The following CDRT4 variants were observed in gnomAD, a reference collection of about 807,000 sequenced individuals.
CDRT4 encodes the protein CMT1A duplicated region transcript 4 protein.
For synonymous variants in CDRT4, 64 were observed against 69.6 expected (o/e 0.92, Z 0.40); for missense variants, 167 against 193.1 (o/e 0.87, Z 0.80).
intron 1 of CDRT4, among the ~76,000 whole-genome samples, chr17:15,453,691 A>C (rs1979362576): frequency 6.6e-6 from 1 of 152,206 alleles, no homozygotes; most frequent in Admixed American, 6.5e-5. Context: ...GAATTCACCA[A>C]AGTTCCCAAA....
chr17:15,465,172 CAG>C (rs2150802216), intron 1 of CDRT4, among the ~76,000 whole-genome samples: 1 of 122,388 alleles, frequency 8.2e-6, no homozygotes. Flanking sequence ...CACCAACACA[CAG>C]ACACACAACA....
chr17:15,449,699 T>C (rs1018945751), intron 2 of CDRT4, among the ~76,000 whole-genome samples: 2 of 152,190 alleles, frequency 1.3e-5, no homozygotes, highest in Admixed American at 1.3e-4. Flanking sequence ...TGTTCCACCC[T>C]CACCCTCCTC....
chr17:15,452,542 A>T (rs1216983134), intron 2 of CDRT4: 1 of 152,280 alleles, frequency 6.6e-6, no homozygotes, highest in Non-Finnish European at 1.5e-5. Context: ...TACCAGGGCC[A>T]GGTGTCATCA....
At chr17:15,445,869 C>T (rs930719462) in intron 2 of CDRT4, among the ~76,000 whole-genome samples, 2 of 152,124 alleles carry the variant, frequency 1.3e-5, no homozygotes, top group Admixed American at 6.5e-5. Flanking sequence ...CTTGCCTGGC[C>T]CCAGAAGGAG....
Position 15,450,967 on chromosome 17 carries a change from A to G in CDRT4, c.-48+2037T>C, listed in dbSNP as rs906397690. Among the ~76,000 whole-genome samples the G allele has an allele frequency of 1.4e-4, 22 of 152,234 alleles. 1 individual carries two copies. The highest frequency in any genetic ancestry group is 5.3e-4 in the African/African-American group (22 of 41,534). ...AGCCTCCTCTAAGACATCAACATCT[A>G]CTAACTGAACTACTGAACACCTGCT... On this transcript the variant is annotated intron_variant, in intron 2 of 3. Transcript: ENST00000619038. The surrounding 1 kb of genome is among the most constrained non-coding windows in gnomAD (Gnocchi z 4.2).
intron 2 of CDRT4, among the ~76,000 whole-genome samples, chr17:15,449,061 T>C (rs1979151896): frequency 6.6e-6 from 1 of 152,208 alleles, no homozygotes; most frequent in Admixed American, 6.5e-5. Context: ...ATCTCACTCT[T>C]ATTTCACACA....
At chr17:15,439,375 G>A (rs917060135) in intron 3 of CDRT4, among the ~76,000 whole-genome samples, 1 of 152,138 alleles carries the variant, frequency 6.6e-6, no homozygotes, top group Non-Finnish European at 1.5e-5. Context: ...GCTTGTCTGG[G>A]GACAGATCTG....
At chr17:15,446,830 T>C (rs960134575) in intron 2 of CDRT4, among the ~76,000 whole-genome samples, 5 of 152,198 alleles carry the variant, frequency 3.3e-5, no homozygotes, top group Non-Finnish European at 2.9e-5. Flanking sequence ...AATGCTTCTA[T>C]ACTTTATTTT....
chr17:15,456,877 C>T (rs1979508680), intron 1 of CDRT4, among the ~76,000 whole-genome samples: 2 of 152,136 alleles, frequency 1.3e-5, no homozygotes, highest in South Asian at 2.1e-4. Flanking sequence ...AATTTGGAAT[C>T]GATCCTGTTT....
intron 2 of CDRT4, among the ~76,000 whole-genome samples, chr17:15,441,532 T>C (rs1978758730): frequency 6.6e-6 from 1 of 152,198 alleles, no homozygotes. Context: ...CATTTCTGCA[T>C]GGAACACTCC....
rs78202988 is a variant in CDRT4, at chr17:15,451,004, T to C, written c.-48+2000A>G. On this transcript the variant is annotated intron_variant, in intron 2 of 3. Coordinates refer to ENST00000619038, the MANE Select transcript of CDRT4 (RefSeq NM_001204477.2). ...ACTGAACACCTGCTACTGGTCTCCCTGCTTCCACTCTTGTTCCCCTATGAT... is the reference window on the plus strand; with the variant it reads ...ACTGAACACCTGCTACTGGTCTCCCCGCTTCCACTCTTGTTCCCCTATGAT... Among the ~76,000 whole-genome samples the C allele has an allele frequency of 4.3e-4, 66 of 152,322 alleles. No homozygotes were observed. The East Asian group carries it at 9.9e-3, about 23-fold the overall frequency.
chr17:15,464,394 G>A lies in CDRT4; in HGVS notation c.-130+3066C>T, dbSNP rs1381408970. ...GAGGAAATGATTAGCACGGGTCCATGAGCATTACATATCACCCTCACTGCA... is the reference window on the plus strand; with the variant it reads ...GAGGAAATGATTAGCACGGGTCCATAAGCATTACATATCACCCTCACTGCA... On this transcript the variant is annotated intron_variant, in intron 1 of 3. Coordinates refer to ENST00000619038, the MANE Select transcript of CDRT4 (RefSeq NM_001204477.2). The surrounding 1 kb of genome is among the most constrained non-coding windows in gnomAD (Gnocchi z 4.5). Among the ~76,000 whole-genome samples, 1 of 152,174 alleles carries A rather than the reference G, an allele frequency of 6.6e-6. No individual in the cohort carries two copies. Among genetic ancestry groups the A allele is most frequent in the Non-Finnish European group, 1.5e-5 (1 of 68,026 alleles).
intron 2 of CDRT4, among the ~76,000 whole-genome samples, chr17:15,445,229 G>C (rs73287754): frequency 6.6e-6 from 1 of 152,266 alleles, no homozygotes; most frequent in African/African-American, 2.4e-5. Context: ...CTCTCCTCAA[G>C]ATGTTAATAG....
At chr17:15,443,431 C>G (rs963001160) in intron 2 of CDRT4, among the ~76,000 whole-genome samples, 1 of 146,460 alleles carries the variant, frequency 6.8e-6, no homozygotes, top group Non-Finnish European at 1.5e-5. Flanking sequence ...AGGCACACAC[C>G]ACCATAGCTG....
At chr17:15,439,978 T>C (rs888648960) in intron 3 of CDRT4, among the ~76,000 whole-genome samples, 2 of 151,914 alleles carry the variant, frequency 1.3e-5, no homozygotes, top group African/African-American at 2.4e-5. Flanking sequence ...TTAGGAGATA[T>C]ACCTAATGTA....
intron 2 of CDRT4, among the ~76,000 whole-genome samples, chr17:15,452,238 A>G (rs979726464): frequency 1.3e-5 from 2 of 152,236 alleles, no homozygotes; most frequent in African/African-American, 2.4e-5. Context: ...CCCTTGCCCT[A>G]TCTCTCTCTG....
At chr17:15,442,570 A>C (rs2954767) in intron 2 of CDRT4, among the ~76,000 whole-genome samples, 29,153 of 152,082 alleles carry the variant, frequency 0.19, 4,616 homozygotes, top group East Asian at 0.49. Flanking sequence ...TGAACCCTGA[A>C]GCCTCAGGAA....
chr17:15,461,305 G>A (rs1979737394), intron 1 of CDRT4, among the ~76,000 whole-genome samples: 1 of 152,256 alleles, frequency 6.6e-6, no homozygotes, highest in Non-Finnish European at 1.5e-5. Flanking sequence ...GGCGAAGGCA[G>A]CAGAATCCCT....
At chr17:15,446,426 T>A (rs150290877) in intron 2 of CDRT4, among the ~76,000 whole-genome samples, 28 of 152,166 alleles carry the variant, frequency 1.8e-4, no homozygotes, top group African/African-American at 6.3e-4. Flanking sequence ...CCCTTGGGAA[T>A]CGTAGAAATG....
Sources: gnomAD v4.1 joint callset for allele counts (sites outside exome capture counted in the v4.1 genomes callset) on GRCh38, gnomAD v4.1.1 for gene constraint, Gnocchi (gnomAD v3.1) non-coding constraint, MANE v1.5 for transcripts, NCBI Gene and HGNC (gene_info 2026-07-23, HGNC 2026-07-21) for gene names.